Variants in P2RX1 observed in about 807,000 individuals in gnomAD.
The protein encoded by P2RX1 is purinergic receptor P2X 1, also known as P2X purinoceptor 1.
In P2RX1, 42 loss-of-function variants were observed where a neutral mutation model predicts 50.3. That is an observed-to-expected ratio of 0.83 (90% CI 0.65 to 1.08). The LOEUF (loss-of-function observed/expected upper bound fraction) is 1.08. Ranked by LOEUF, P2RX1 falls within the 50% of genes least tolerant of loss-of-function variation. The probability of loss-of-function intolerance (pLI) is 0.00; values close to 1 mark genes in which losing one functional copy is unlikely to be tolerated. For missense variants in P2RX1, 449 were observed against 529.0 expected, an observed-to-expected ratio of 0.85 and a Z score of 1.48; for synonymous variants, 199 against 202.6, an observed-to-expected ratio of 0.98 and a Z score of 0.15.
chr17:3,905,183 C>A, intron 2 of P2RX1, 37 bp downstream of exon 2: 2 of 1,607,594 alleles, frequency 1.2e-6, no homozygotes, highest in Non-Finnish European at 1.7e-6. Context: ...CTGAGACAGG[C>A]CCTGTGAGGG....
Position 3,903,765 on chromosome 17 carries a change from T to G in P2RX1, c.525-134A>C. The G allele has an allele frequency of 8.9e-7, 1 of 1,125,832 alleles. No homozygotes were observed. The highest frequency in any genetic ancestry group is 1.3e-6 in the Non-Finnish European group (1 of 750,764). The allele number at this position is 1,125,832 out of a possible 1,614,324, so 69.7% of individuals were successfully genotyped here. A position where few individuals can be genotyped will look rare whatever the true frequency, so the allele number is the denominator to read the frequency against. On this transcript the variant is annotated intron_variant, in intron 5 of 11. Coordinates refer to ENST00000225538, the MANE Select transcript of P2RX1 (RefSeq NM_002558.4). This position sits in a 1 kb window ranked among gnomAD's most constrained non-coding sequence, Gnocchi z 4.6. ...AGCCCTGGGCTGGTGGAGGGGTGGG[T>G]GTGCTCTAGCGTGGCCAGGACCCAG...
rs1042513416 is a variant in P2RX1, at chr17:3,914,694, G to A, written c.137+1395C>T. Reference sequence around the variant, plus strand: ...CAGTGCCCAGTAGAAAGGATCCACAGCCCCTTGTGATGGTGAGGAAGGAGA... The same window carrying A: ...CAGTGCCCAGTAGAAAGGATCCACAACCCCTTGTGATGGTGAGGAAGGAGA... On this transcript the variant is annotated intron_variant, in intron 1 of 11. Coordinates refer to ENST00000225538, the MANE Select transcript of P2RX1 (RefSeq NM_002558.4). This position sits in a 1 kb window ranked among gnomAD's most constrained non-coding sequence, Gnocchi z 4.1. Among the ~76,000 whole-genome samples, 21 of 152,296 alleles carry A rather than the reference G, an allele frequency of 1.4e-4. No individual in the cohort carries two copies. The highest frequency in any genetic ancestry group is 5.1e-4 in the African/African-American group (21 of 41,572).
chr17:3,903,735 C>T lies in P2RX1; in HGVS notation c.525-104G>A. 1.5e-6 allele frequency: 2 copies of T among 1,299,648 alleles called. No individual in the cohort carries two copies. Among genetic ancestry groups the T allele is most frequent in the Non-Finnish European group, 2.2e-6 (2 of 902,612 alleles). The allele number at this position is 1,299,648 out of a possible 1,614,324, so 80.5% of individuals were successfully genotyped here. ...GGGTGGGCCGAGCCTCCGGGACCCGCCTGCAGCCCTGGGCTGGTGGAGGGG... is the reference window on the plus strand; with the variant it reads ...GGGTGGGCCGAGCCTCCGGGACCCGTCTGCAGCCCTGGGCTGGTGGAGGGG... On this transcript the variant is annotated intron_variant, in intron 5 of 11. Coordinates refer to ENST00000225538, the MANE Select transcript of P2RX1 (RefSeq NM_002558.4). The surrounding 1 kb of genome is among the most constrained non-coding windows in gnomAD (Gnocchi z 4.6).
chr17:3,898,931 C>T lies in P2RX1; in HGVS notation c.966+3G>A. ...TGCCACCACCCTCACACTGGACACT[C>T]ACCTTGCCGTCCACCAGGATGTCAA... On this transcript the variant is annotated splice_donor_region_variant and intron_variant, in intron 9 of 11. Transcript: ENST00000225538. 6.2e-7 allele frequency: 1 copy of T among 1,611,530 alleles called. No individual in the cohort carries two copies.
rs779798424 is a variant in P2RX1, at chr17:3,904,076, C to T, written c.428-52G>A. On this transcript the variant is annotated intron_variant, in intron 4 of 11. Transcript: ENST00000225538. The stretch of plus-strand genomic sequence containing the variant: ...GCCTGCACTAAACAGAGGAGGCCGC[C>T]CCAGACCCCTTCTCCAGGAGCTCCC... 8 of 1,427,424 alleles carry T rather than the reference C, an allele frequency of 5.6e-6. 1 individual carries two copies. In the Admixed American group the frequency reaches 1.0e-4, roughly 18 times the overall value. The allele number at this position is 1,427,424 out of a possible 1,614,324, so 88.4% of individuals were successfully genotyped here. A position where few individuals can be genotyped will look rare whatever the true frequency, so the allele number is the denominator to read the frequency against.
Position 3,897,631 on chromosome 17 carries a change from A to G in P2RX1, c.*183T>C. The G allele has an allele frequency of 1.5e-6, 1 of 646,086 alleles. No individual in the cohort carries two copies. The highest frequency in any genetic ancestry group is 2.8e-6 in the Non-Finnish European group (1 of 357,524). 40.0% of individuals were successfully genotyped at this position (646,086 alleles called of 1,614,324 possible). On this transcript the variant is annotated 3_prime_UTR_variant, in exon 12 of 12. Coordinates refer to ENST00000225538, the MANE Select transcript of P2RX1 (RefSeq NM_002558.4). ...GCTCCCTCAGGGTGTGTGGGGTCGG[A>G]GCCGGAGCTCAGATTTGCACAGGTC...
At position 3,897,797 on chromosome 17, in the gene P2RX1, G is replaced by C. The variant is rs1195541393; in HGVS notation, c.*17C>G. On this transcript the variant is annotated 3_prime_UTR_variant, in exon 12 of 12. Transcript: ENST00000225538. The stretch of plus-strand genomic sequence containing the variant: ...GAAGCCTCACGCTGCACCCAGTCAG[G>C]AGTTGGGGCCCGAGCATCAGGATGT... The C allele has an allele frequency of 6.2e-7, 1 of 1,611,292 alleles. No individual in the cohort carries two copies.
intron 1 of P2RX1, chr17:3,915,786 G>A (rs1019962399): frequency 2.8e-5 from 15 of 533,192 alleles, no homozygotes; most frequent in Non-Finnish European, 4.0e-5. Context: ...GGTTGGTGGT[G>A]CCCTGGCCCT....
intron 1 of P2RX1, among the ~76,000 whole-genome samples, chr17:3,912,956 G>A (rs144861121): frequency 1.3e-5 from 2 of 152,072 alleles, no homozygotes; most frequent in African/African-American, 4.8e-5. Flanking sequence ...AGGGACTGGA[G>A]AGAAAGCTGA....
At chr17:3,898,872 A>G in intron 9 of P2RX1, 62 bp downstream of exon 9, 2 of 1,319,260 alleles carry the variant, frequency 1.5e-6, no homozygotes, top group Middle Eastern at 1.8e-4. Context: ...TAGATGCCCA[A>G]AGGTACTCAC....
chr17:3,897,801 T>TG lies in P2RX1; in HGVS notation c.*12dup. On this transcript the variant is annotated 3_prime_UTR_variant, in exon 12 of 12. Transcript: ENST00000225538. Reference sequence around the variant, plus strand: ...CCTCACGCTGCACCCAGTCAGGAGTTGGGGCCCGAGCATCAGGATGTCCTC... The same window carrying TG: ...CCTCACGCTGCACCCAGTCAGGAGTTGGGGGCCCGAGCATCAGGATGTCCTC... The TG allele has an allele frequency of 6.2e-7, 1 of 1,611,788 alleles. No individual in the cohort carries two copies. Among genetic ancestry groups the TG allele is most frequent in the Middle Eastern group, 2.1e-4 (1 of 4,772 alleles).
In P2RX1 at chr17:3,903,726, C is replaced by T. The variant is rs929229356; in HGVS notation, c.525-95G>A. On this transcript the variant is annotated intron_variant, in intron 5 of 11. Transcript: ENST00000225538. The surrounding 1 kb of genome is among the most constrained non-coding windows in gnomAD (Gnocchi z 4.6). ...CACAGCAGGGGGTGGGCCGAGCCTCCGGGACCCGCCTGCAGCCCTGGGCTG... is the reference window on the plus strand; with the variant it reads ...CACAGCAGGGGGTGGGCCGAGCCTCTGGGACCCGCCTGCAGCCCTGGGCTG... The T allele has an allele frequency of 5.9e-5, 79 of 1,346,998 alleles. No homozygotes were observed. In the African/African-American group the frequency reaches 6.7e-4, roughly 11 times the overall value. The allele number at this position is 1,346,998 out of a possible 1,614,324, so 83.4% of individuals were successfully genotyped here.
At chr17:3,910,630 CAG>C (rs2056346633) in intron 1 of P2RX1, among the ~76,000 whole-genome samples, 1 of 152,230 alleles carries the variant, frequency 6.6e-6, no homozygotes, top group Non-Finnish European at 1.5e-5. Flanking sequence ...TGGTGGGACA[CAG>C]GGTATGGCCA....
intron 1 of P2RX1, among the ~76,000 whole-genome samples, chr17:3,907,425 G>A (rs947583435): frequency 6.6e-5 from 10 of 151,714 alleles, no homozygotes; most frequent in African/African-American, 1.9e-4. Context: ...ACCCTACCCC[G>A]AGCTCACCTG....
intron 1 of P2RX1, among the ~76,000 whole-genome samples, chr17:3,909,179 C>A (rs2056320198): frequency 6.6e-6 from 1 of 152,106 alleles, no homozygotes; most frequent in Non-Finnish European, 1.5e-5. Flanking sequence ...TACGGGCGCG[C>A]CCCACCACGC....
At position 3,899,052 on chromosome 17, in the gene P2RX1, G is replaced by C. The variant is rs750391725; in HGVS notation, c.876-28C>G. ...TGGGGAAGGGATGAGGTGGCAGGAG[G>C]GTGATGGAGGGGACTGTCTTGGGTC... On this transcript the variant is annotated intron_variant, in intron 8 of 11. Transcript: ENST00000225538. The C allele has an allele frequency of 1.0e-5, 15 of 1,498,582 alleles. No homozygotes were observed. In the African/African-American group the frequency reaches 1.5e-4, roughly 15 times the overall value. The allele number at this position is 1,498,582 out of a possible 1,614,324, so 92.8% of individuals were successfully genotyped here.
At chr17:3,907,339 G>A (rs576725936) in intron 1 of P2RX1, among the ~76,000 whole-genome samples, 42 of 143,672 alleles carry the variant, frequency 2.9e-4, no homozygotes, top group Admixed American at 9.8e-4. Context: ...TGGGGTATGG[G>A]GTGTGTGGCT....
intron 1 of P2RX1, among the ~76,000 whole-genome samples, chr17:3,912,430 A>T (rs2056381754): frequency 6.6e-6 from 1 of 151,722 alleles, no homozygotes; most frequent in Non-Finnish European, 1.5e-5. Flanking sequence ...CCCCAAGTTC[A>T]ATCGATTCTC....
chr17:3,908,914 C>T (rs887434206), intron 1 of P2RX1, among the ~76,000 whole-genome samples: 3 of 152,214 alleles, frequency 2.0e-5, no homozygotes, highest in Admixed American at 6.5e-5. Context: ...ACAGAGGTGA[C>T]GCCACCTACC....
Sources: allele counts gnomAD v4.1 joint callset (sites outside exome capture counted in the v4.1 genomes callset), GRCh38; gene constraint gnomAD v4.1.1; non-coding constraint Gnocchi (gnomAD v3.1); transcripts MANE v1.5; gene names NCBI Gene and HGNC (gene_info 2026-07-23, HGNC 2026-07-21).